The following ITFG1 variants were observed in gnomAD, a reference collection of about 807,000 sequenced individuals.
ITFG1 encodes integrin alpha FG-GAP repeat containing 1, also known as T-cell immunomodulatory protein.
In ITFG1, 34 loss-of-function variants were observed where a neutral mutation model predicts 81.8. The ratio of observed to expected loss-of-function variants is 0.42; its 90% CI spans 0.32 to 0.55. ITFG1 has a LOEUF of 0.55. ITFG1 is among the 20% of genes least tolerant of loss of function. The probability of loss-of-function intolerance (pLI) is 0.17; values close to 1 mark genes in which losing one functional copy is unlikely to be tolerated. For missense variants in ITFG1, 672 were observed against 755.4 expected (o/e 0.89, Z 1.29); for synonymous variants, 285 against 270.6 (o/e 1.05, Z -0.52).
At chr16:47,157,505 T>C (rs970367562) in intron 17 of ITFG1, 17 of 152,222 alleles carry the variant, frequency 1.1e-4, no homozygotes, top group African/African-American at 3.9e-4. Flanking sequence ...GTTTATGCTG[T>C]AATCAGATCT....
At chr16:47,404,175 T>A (rs1363753337) in intron 6 of ITFG1, among the ~76,000 whole-genome samples, 4 of 151,914 alleles carry the variant, frequency 2.6e-5, no homozygotes, top group Non-Finnish European at 5.9e-5. Flanking sequence ...ACATGAAAAA[T>A]CCTCAAGAAC....
At chr16:47,285,102 G>A (rs1966864485) in intron 10 of ITFG1, among the ~76,000 whole-genome samples, 1 of 152,160 alleles carries the variant, frequency 6.6e-6, no homozygotes, top group Non-Finnish European at 1.5e-5. Context: ...AATGTTGGGT[G>A]TGTTAGGCCT....
chr16:47,169,267 C>T (rs1172609636), intron 14 of ITFG1, among the ~76,000 whole-genome samples: 2 of 152,114 alleles, frequency 1.3e-5, no homozygotes, highest in Non-Finnish European at 2.9e-5. Context: ...AAACAGACCA[C>T]TTGAATCTGT....
chr16:47,411,024 A>G (rs1244308920), intron 6 of ITFG1, among the ~76,000 whole-genome samples: 1 of 152,162 alleles, frequency 6.6e-6, no homozygotes, highest in Non-Finnish European at 1.5e-5. Flanking sequence ...ACCTCCGCTG[A>G]GCAGTTCAAG....
intron 3 of ITFG1, among the ~76,000 whole-genome samples, chr16:47,453,689 T>C (rs1969416578): frequency 6.6e-6 from 1 of 152,176 alleles, no homozygotes; most frequent in African/African-American, 2.4e-5. Flanking sequence ...AAAGAGGCAG[T>C]AGCTTTTTTG....
chr16:47,338,057 T>A (rs893716158), intron 8 of ITFG1, among the ~76,000 whole-genome samples: 4 of 152,252 alleles, frequency 2.6e-5, no homozygotes, highest in Non-Finnish European at 5.9e-5. Context: ...GAAATTTCAG[T>A]GACACACATG....
intron 10 of ITFG1, among the ~76,000 whole-genome samples, chr16:47,294,278 T>A (rs1966952352): frequency 6.6e-6 from 1 of 152,126 alleles, no homozygotes; most frequent in Non-Finnish European, 1.5e-5. Flanking sequence ...TATTATAATT[T>A]GAGATAAGAT....
At chr16:47,269,923 T>A (rs767249425) in intron 10 of ITFG1, among the ~76,000 whole-genome samples, 1 of 152,202 alleles carries the variant, frequency 6.6e-6, no homozygotes, top group African/African-American at 2.4e-5. Context: ...GCCACAAAGA[T>A]GGACAATAGA....
intron 5 of ITFG1, among the ~76,000 whole-genome samples, chr16:47,430,278 C>T (rs1194467018): frequency 2.6e-5 from 4 of 151,438 alleles, no homozygotes; most frequent in African/African-American, 9.7e-5. Flanking sequence ...GTTGGCCAGA[C>T]TGGTCTTGAA....
chr16:47,228,568 C>A (rs1444913435), intron 13 of ITFG1, among the ~76,000 whole-genome samples: 1 of 152,166 alleles, frequency 6.6e-6, no homozygotes, highest in Non-Finnish European at 1.5e-5. Context: ...CACTATGTTG[C>A]CCAGGCTAGT....
At chr16:47,441,057 G>A (rs140549571) in intron 5 of ITFG1, among the ~76,000 whole-genome samples, 5 of 152,204 alleles carry the variant, frequency 3.3e-5, no homozygotes, top group South Asian at 2.1e-4. Context: ...ACACCTCTAC[G>A]CAAATAAACT....
At chr16:47,278,328 A>G (rs1211054893) in intron 10 of ITFG1, among the ~76,000 whole-genome samples, 1 of 152,186 alleles carries the variant, frequency 6.6e-6, no homozygotes, top group African/African-American at 2.4e-5. Flanking sequence ...AAAAGTGAAG[A>G]TTTCTCAGAA....
At chr16:47,456,268 AAAG>A (rs1400505281) in intron 2 of ITFG1, among the ~76,000 whole-genome samples, 10 of 152,238 alleles carry the variant, frequency 6.6e-5, no homozygotes, top group South Asian at 4.1e-4. Flanking sequence ...CAAAATAGAA[AAAG>A]AAGAGACTCC....
chr16:47,332,418 C>G (rs1967648583), intron 8 of ITFG1, among the ~76,000 whole-genome samples: 1 of 152,102 alleles, frequency 6.6e-6, no homozygotes, highest in South Asian at 2.1e-4. Flanking sequence ...CCTCTACAAG[C>G]ACTTCACGGC....
chr16:47,244,706 T>C (rs913061048), intron 12 of ITFG1, among the ~76,000 whole-genome samples: 3 of 150,624 alleles, frequency 2.0e-5, no homozygotes, highest in African/African-American at 7.3e-5. Context: ...CAAAGTCATA[T>C]GTTGAAGCCC....
At chr16:47,264,320 C>G (rs1966248265) in intron 10 of ITFG1, among the ~76,000 whole-genome samples, 1 of 151,902 alleles carries the variant, frequency 6.6e-6, no homozygotes, top group Non-Finnish European at 1.5e-5. Context: ...ATAGCACACA[C>G]AAAAGGGAAT....
At chr16:47,293,778 T>A (rs963984414) in intron 10 of ITFG1, among the ~76,000 whole-genome samples, 1 of 152,096 alleles carries the variant, frequency 6.6e-6, no homozygotes. Context: ...ATTAATCAGA[T>A]CTGTAGTTTA....
At chr16:47,245,497 C>T (rs1176278567) in intron 12 of ITFG1, among the ~76,000 whole-genome samples, 1 of 151,916 alleles carries the variant, frequency 6.6e-6, no homozygotes, top group Non-Finnish European at 1.5e-5. Flanking sequence ...TTAGGTTCTT[C>T]CCCTCCTCAT....
chr16:47,441,543 G>A (rs1375852482), intron 5 of ITFG1, among the ~76,000 whole-genome samples: 3 of 152,042 alleles, frequency 2.0e-5, no homozygotes, highest in East Asian at 3.9e-4. Flanking sequence ...ATAAATACAC[G>A]CAATCCAGCA....
Sources: gnomAD v4.1 joint callset for allele counts (sites outside exome capture counted in the v4.1 genomes callset) on GRCh38, gnomAD v4.1.1 for gene constraint, MANE v1.5 for transcripts, NCBI Gene and HGNC (gene_info 2026-07-23, HGNC 2026-07-21) for gene names.